BRWD1: variants seen among roughly 807,000 people sequenced by gnomAD.
BRWD1 encodes bromodomain and WD repeat domain containing 1, also known as bromodomain and WD repeat-containing protein 1.
A neutral mutation model predicts 251.2 loss-of-function variants in BRWD1; 82 were observed. The observed-to-expected ratio is 0.33, with a 90% CI of 0.27 to 0.39. BRWD1 has a LOEUF of 0.39. BRWD1 is among the 10% of genes least tolerant of loss of function. The pLI is 1.00. For synonymous variants in BRWD1, 918 were observed against 902.8 expected (o/e 1.02, Z -0.30); for missense variants, 2,233 against 2,711.6 (o/e 0.82, Z 3.92).
intron 8 of BRWD1, among the ~76,000 whole-genome samples, chr21:39,290,303 CA>C (rs1465728425): frequency 1.3e-5 from 2 of 151,724 alleles, no homozygotes; most frequent in African/African-American, 4.8e-5. Context: ...TCCTGGCTAA[CA>C]CAGTGAAACC....
intron 17 of BRWD1, among the ~76,000 whole-genome samples, chr21:39,261,730 A>G (rs192189979): frequency 5.3e-5 from 8 of 152,106 alleles, no homozygotes; most frequent in Admixed American, 5.2e-4. Context: ...ACATTAGTGG[A>G]GGTCATATGG....
At chr21:39,222,084 C>T (rs1372563238) in intron 29 of BRWD1, among the ~76,000 whole-genome samples, 1 of 151,892 alleles carries the variant, frequency 6.6e-6, no homozygotes, top group Non-Finnish European at 1.5e-5. Context: ...AAAATTGGAA[C>T]CCACATACAC....
At chr21:39,251,939 T>C (rs2034407335) in intron 19 of BRWD1, among the ~76,000 whole-genome samples, 1 of 152,054 alleles carries the variant, frequency 6.6e-6, no homozygotes, top group Non-Finnish European at 1.5e-5. Flanking sequence ...CTAAGAAAAG[T>C]GGTATTAGCA....
At position 39,270,438 on chromosome 21, in the gene BRWD1, C is replaced by A. The variant is rs1568935316; in HGVS notation, c.1245-5G>T. 4 of 1,591,672 alleles carry A rather than the reference C, an allele frequency of 2.5e-6. No individual in the cohort carries two copies. Among genetic ancestry groups the A allele is most frequent in the African/African-American group, 1.4e-5 (1 of 73,930 alleles). On this transcript the variant is annotated splice_polypyrimidine_tract_variant and splice_region_variant and intron_variant, in intron 13 of 40. Coordinates refer to ENST00000342449, the MANE Select transcript of BRWD1 (RefSeq NM_033656.4). Reference sequence around the variant, plus strand: ...TCCTCTTCGGAAGATAAGTCCCTAACAAAAAAATACACAACATGTAAACTT... The same window carrying A: ...TCCTCTTCGGAAGATAAGTCCCTAAAAAAAAAATACACAACATGTAAACTT...
intron 9 of BRWD1, 82 bp from the exon 10 acceptor site, chr21:39,278,895 T>C: frequency 9.5e-7 from 1 of 1,053,806 alleles, no homozygotes; most frequent in Non-Finnish European, 1.3e-6. Flanking sequence ...TAATCTAGCA[T>C]ATTTAAATAT....
chr21:39,304,619 CA>C (rs56713321), intron 4 of BRWD1, among the ~76,000 whole-genome samples: 1 of 148,014 alleles, frequency 6.8e-6, no homozygotes, highest in East Asian at 2.0e-4. Context: ...GTCTGGAAAA[CA>C]AAAAAAAAAT....
At chr21:39,269,207 A>G (rs2035025017) in intron 15 of BRWD1, among the ~76,000 whole-genome samples, 1 of 151,956 alleles carries the variant, frequency 6.6e-6, no homozygotes, top group Non-Finnish European at 1.5e-5. Context: ...AAGATACAGT[A>G]GGATCCTCAT....
chr21:39,309,145 G>A (rs2036384680), intron 4 of BRWD1, among the ~76,000 whole-genome samples: 1 of 152,012 alleles, frequency 6.6e-6, no homozygotes, highest in Non-Finnish European at 1.5e-5. Flanking sequence ...CTGCACTCCA[G>A]CCTGGCGACA....
intron 18 of BRWD1, 60 bp from the exon 19 acceptor site, chr21:39,255,888 A>G: frequency 6.8e-7 from 1 of 1,472,370 alleles, no homozygotes; most frequent in Admixed American, 1.8e-5. Flanking sequence ...TACATTTAGC[A>G]TGTAACAAGC....
Position 39,188,334 on chromosome 21 carries a change from C to CATTT in BRWD1, c.*7921_*7924dup, listed in dbSNP as rs1349831440. ...TAGGACCCTGCCTGAAGTTTCCAGA[C>CATTT]ATTTAGCATTCAAAAGGTAAGGCTG... On this transcript the variant is annotated 3_prime_UTR_variant, in exon 41 of 41. Transcript: ENST00000342449. 1.0e-6 allele frequency: 1 copy of CATTT among 985,336 alleles called. No individual in the cohort carries two copies. The highest frequency in any genetic ancestry group is 1.7e-5 in the African/African-American group (1 of 57,342). 61.0% of individuals were successfully genotyped at this position (985,336 alleles called of 1,614,324 possible).
intron 4 of BRWD1, 83 bp from the exon 5 acceptor site, chr21:39,298,665 T>C: frequency 8.8e-7 from 1 of 1,142,166 alleles, no homozygotes; most frequent in Non-Finnish European, 1.2e-6. Context: ...TGGCAAAATG[T>C]GAAAAACATA....
chr21:39,231,649 C>A (rs960796161), intron 25 of BRWD1, among the ~76,000 whole-genome samples: 1 of 152,148 alleles, frequency 6.6e-6, no homozygotes, highest in African/African-American at 2.4e-5. Context: ...AAAGCCTGGA[C>A]CACTTCACAC....
chr21:39,294,121 CT>C (rs1396812721), intron 7 of BRWD1, 89 bp from the exon 8 acceptor site: 1 of 1,028,412 alleles, frequency 9.7e-7, no homozygotes, highest in Non-Finnish European at 1.4e-6. Context: ...TCCAAATTAA[CT>C]TTAACTCTTT....
At chr21:39,251,086 A>T (rs149774667) in intron 19 of BRWD1, among the ~76,000 whole-genome samples, 197 bp from the exon 20 acceptor site, 21 of 152,298 alleles carry the variant, frequency 1.4e-4, no homozygotes, top group African/African-American at 4.6e-4. Flanking sequence ...CCTATTTTTC[A>T]TATCAGAGGC....
At position 39,199,194 on chromosome 21, in the gene BRWD1, T is replaced by C. The variant is rs1344579264; in HGVS notation, c.5222A>G (p.His1741Arg). 1 of 1,614,180 alleles carries C rather than the reference T, an allele frequency of 6.2e-7. No individual in the cohort carries two copies. Among genetic ancestry groups the C allele is most frequent in the African/African-American group, 1.3e-5 (1 of 75,054 alleles). ...TTTTGTCTTTGAAGGTGCTGGAGTA[T>C]GGGACTTGTAACCATTAGCATGCCA... ...KNWHANGYKSHTPAPSKTKFL... is the reference protein window; with the variant it reads ...KNWHANGYKSRTPAPSKTKFL... The change falls in exon 40 of 41, where the codon CAT becomes CGT. Residue 1741 changes from histidine to arginine, a missense_variant. His to Arg is a conservative substitution (Grantham distance 29). Around this residue, in one of 12 missense-constraint regions of BRWD1, gnomAD observed 928 missense variants for 970.0 expected, o/e 0.96. Transcript: ENST00000342449.
chr21:39,188,400 T>G lies in BRWD1; in HGVS notation c.*7859A>C. The G allele has an allele frequency of 1.0e-6, 1 of 985,394 alleles. No individual in the cohort carries two copies. Among genetic ancestry groups the G allele is most frequent in the Non-Finnish European group, 1.2e-6 (1 of 829,902 alleles). 61.0% of individuals were successfully genotyped at this position (985,394 alleles called of 1,614,324 possible). A position where few individuals can be genotyped will look rare whatever the true frequency, so the allele number is the denominator to read the frequency against. On this transcript the variant is annotated 3_prime_UTR_variant, in exon 41 of 41. Coordinates refer to ENST00000342449, the MANE Select transcript of BRWD1 (RefSeq NM_033656.4). ...ACCAGTTGATATCCTCCACCCACACTAGACATCTGGAGGACTCCACCACAT... is the reference window on the plus strand; with the variant it reads ...ACCAGTTGATATCCTCCACCCACACGAGACATCTGGAGGACTCCACCACAT...
chr21:39,224,358 G>A, intron 29 of BRWD1, 50 bp downstream of exon 29: 1 of 1,136,588 alleles, frequency 8.8e-7, no homozygotes, highest in Non-Finnish European at 1.3e-6. Flanking sequence ...ACTGGCAAAT[G>A]TACATATTAT....
chr21:39,191,602 CAGTCCA>C lies in BRWD1; in HGVS notation c.*4651_*4656del. 1.0e-6 allele frequency: 1 copy of C among 984,898 alleles called. No homozygotes were observed. The highest frequency in any genetic ancestry group is 1.2e-6 in the Non-Finnish European group (1 of 829,562). The allele number at this position is 984,898 out of a possible 1,614,324, so 61.0% of individuals were successfully genotyped here. A position where few individuals can be genotyped will look rare whatever the true frequency, so the allele number is the denominator to read the frequency against. On this transcript the variant is annotated 3_prime_UTR_variant, in exon 41 of 41. Transcript: ENST00000342449. Reference sequence around the variant, plus strand: ...GATTTTGTAGGTGAATATATAGTTGCAGTCCAAGGACTGATTCACATTTAGAAAATT... The same window carrying C: ...GATTTTGTAGGTGAATATATAGTTGCAGGACTGATTCACATTTAGAAAATT...
rs1225556387 is a variant in BRWD1, at chr21:39,190,898, C to G, written c.*5361G>C. ...CATTTACTCAATGATGGGCACCACA[C>G]AACTCTGAATTTTTGTTCTTATTCT... On this transcript the variant is annotated 3_prime_UTR_variant, in exon 41 of 41. Coordinates refer to ENST00000342449, the MANE Select transcript of BRWD1 (RefSeq NM_033656.4). 1 of 985,206 alleles carries G rather than the reference C, an allele frequency of 1.0e-6. No homozygotes were observed. The allele number at this position is 985,206 out of a possible 1,614,324, so 61.0% of individuals were successfully genotyped here.
Sources: gnomAD v4.1 joint callset for allele counts (sites outside exome capture counted in the v4.1 genomes callset) on GRCh38, gnomAD v4.1.1 for gene constraint, gnomAD v4.1.1 regional missense constraint, MANE v1.5 for transcripts, NCBI Gene and HGNC (gene_info 2026-07-23, HGNC 2026-07-21) for gene names.